The following COL28A1 variants were observed in gnomAD, a reference collection of about 807,000 sequenced individuals.
COL28A1 encodes collagen type XXVIII alpha 1 chain, also known as collagen alpha-1(XXVIII) chain.
In COL28A1, 161 loss-of-function variants were observed where a neutral mutation model predicts 150.2. The observed-to-expected ratio is 1.07, with a 90% CI of 0.94 to 1.22. COL28A1 has a LOEUF of 1.22. Ranked by LOEUF, COL28A1 falls within the 50% of genes most tolerant of loss-of-function variation. The pLI is 0.00. For missense variants in COL28A1, 1,617 were observed against 1,388.3 expected (o/e 1.16, Z -2.62); for synonymous variants, 552 against 469.7 (o/e 1.18, Z -2.26).
At position 7,358,396 on chromosome 7, in the gene COL28A1, G is replaced by C. The variant is rs1780443513; in HGVS notation, c.*237C>G. 9.7e-6 allele frequency: 4 copies of C among 413,164 alleles called. No homozygotes were observed. Among genetic ancestry groups the C allele is most frequent in the Non-Finnish European group, 1.3e-5 (3 of 231,668 alleles). 25.6% of individuals were successfully genotyped at this position (413,164 alleles called of 1,614,324 possible). On this transcript the variant is annotated 3_prime_UTR_variant, in exon 35 of 35. Transcript: ENST00000399429. ...GCTCTAAGTCTAAATCCTCAGCTCT[G>C]AAACTTTTTAGTTGGGTGACAGTTG...
At chr7:7,506,301 G>C (rs958416034) in intron 10 of COL28A1, among the ~76,000 whole-genome samples, 1 of 152,218 alleles carries the variant, frequency 6.6e-6, no homozygotes, top group African/African-American at 2.4e-5. Context: ...CGAGATGTTT[G>C]TTTACTAAAC....
At chr7:7,455,496 C>T (rs924845022) in intron 16 of COL28A1, among the ~76,000 whole-genome samples, 2 of 152,106 alleles carry the variant, frequency 1.3e-5, no homozygotes, top group Non-Finnish European at 2.9e-5. Context: ...CCAAGAGGGG[C>T]CAGGTGTCAT....
At chr7:7,458,552 T>G (rs868452427) in intron 15 of COL28A1, among the ~76,000 whole-genome samples, 14 of 152,286 alleles carry the variant, frequency 9.2e-5, no homozygotes, top group African/African-American at 3.1e-4. Context: ...AATACACTAC[T>G]TAGTGCTCTA....
chr7:7,521,757 AAAAG>A (rs1748438399), intron 5 of COL28A1, 144 bp downstream of exon 5: 1 of 637,130 alleles, frequency 1.6e-6, no homozygotes, highest in South Asian at 1.8e-5. Context: ...CTTTAGAAAT[AAAAG>A]AAAGAAGTAG....
At chr7:7,467,826 T>G (rs1033984289) in intron 15 of COL28A1, among the ~76,000 whole-genome samples, 4 of 140,988 alleles carry the variant, frequency 2.8e-5, no homozygotes, top group African/African-American at 1.1e-4. Flanking sequence ...CTCAACTACA[T>G]GGAAACTGAA....
At chr7:7,342,196 A>G in the COL28A1 span, among the ~76,000 whole-genome samples, 1 of 152,100 alleles carries the variant, frequency 6.6e-6, no homozygotes, top group African/African-American at 2.4e-5. Context: ...TGAAATCTCT[A>G]TCTCCAATAA....
intron 23 of COL28A1, among the ~76,000 whole-genome samples, chr7:7,435,029 C>A (rs1785241741): frequency 6.6e-6 from 1 of 152,076 alleles, no homozygotes. Flanking sequence ...AACTAATGAA[C>A]TAGGGAAGAA....
intron 6 of COL28A1, 117 bp from the exon 7 acceptor site, chr7:7,517,954 T>C: frequency 7.4e-7 from 1 of 1,354,128 alleles, no homozygotes; most frequent in Admixed American, 2.1e-5. Context: ...ATCTTTAGTC[T>C]TTCCCGTTGA....
At chr7:7,375,663 C>A (rs113355635) in intron 30 of COL28A1, among the ~76,000 whole-genome samples, 166 bp from the exon 31 acceptor site, 32 of 152,220 alleles carry the variant, frequency 2.1e-4, no homozygotes, top group African/African-American at 7.5e-4. Flanking sequence ...CTATAATAGA[C>A]CATAACTAAA....
intron 30 of COL28A1, among the ~76,000 whole-genome samples, chr7:7,376,853 G>A (rs548893107): frequency 6.6e-5 from 10 of 152,238 alleles, no homozygotes; most frequent in South Asian, 4.1e-4. Flanking sequence ...AAGGCTCTGC[G>A]ATACACACTC....
intron 33 of COL28A1, among the ~76,000 whole-genome samples, chr7:7,365,266 A>T (rs1780876836): frequency 3.1e-5 from 1 of 32,650 alleles, no homozygotes; most frequent in Non-Finnish European, 1.4e-4. Flanking sequence ...ATAAATCTTA[A>T]ATCTGAAAAC....
chr7:7,423,863 T>C (rs1784508229), intron 25 of COL28A1, among the ~76,000 whole-genome samples: 1 of 152,140 alleles, frequency 6.6e-6, no homozygotes, highest in Non-Finnish European at 1.5e-5. Flanking sequence ...CCTCAACCTT[T>C]GGGAGTATCT....
At position 7,381,538 on chromosome 7, in the gene COL28A1, A is replaced by G. The variant is rs1439037826; in HGVS notation, c.2205+6T>C. ...AAGCATTTCTCTAAGATCCTGAGAC[A>G]CTTACCTTCTGGCCTGGGAGGCCAT... On this transcript the variant is annotated splice_donor_region_variant and intron_variant, in intron 28 of 34. Coordinates refer to ENST00000399429, the MANE Select transcript of COL28A1 (RefSeq NM_001037763.3). 6.2e-7 allele frequency: 1 copy of G among 1,611,074 alleles called. No individual in the cohort carries two copies. The highest frequency in any genetic ancestry group is 8.5e-7 in the Non-Finnish European group (1 of 1,177,580).
chr7:7,401,086 G>C (rs1182409931), intron 27 of COL28A1, among the ~76,000 whole-genome samples: 7 of 149,488 alleles, frequency 4.7e-5, no homozygotes, highest in Non-Finnish European at 1.0e-4. Flanking sequence ...TCATGTTTCA[G>C]TTCTCATCTA....
chr7:7,506,073 C>G lies in COL28A1; in HGVS notation c.973-6G>C, dbSNP rs764592089. 7.4e-7 allele frequency: 1 copy of G among 1,358,284 alleles called. No individual in the cohort carries two copies. The highest frequency in any genetic ancestry group is 1.7e-5 in the Admixed American group (1 of 59,734). The allele number at this position is 1,358,284 out of a possible 1,614,324, so 84.1% of individuals were successfully genotyped here. On this transcript the variant is annotated splice_region_variant and splice_polypyrimidine_tract_variant and intron_variant, in intron 10 of 34. Transcript: ENST00000399429. ...CCTGGAGGTCCAGTAATTCCCTGCT[C>G]CAGGATGAAAACCAAGAATTAGTTC...
chr7:7,384,017 T>C (rs987358805), intron 27 of COL28A1, among the ~76,000 whole-genome samples: 2 of 152,132 alleles, frequency 1.3e-5, no homozygotes, highest in Admixed American at 6.5e-5. Context: ...TCACGGCACA[T>C]TGGCTTGACT....
At chr7:7,479,081 C>T (rs1169656360) in intron 13 of COL28A1, among the ~76,000 whole-genome samples, 3 of 152,238 alleles carry the variant, frequency 2.0e-5, no homozygotes, top group Non-Finnish European at 4.4e-5. Flanking sequence ...GCTGCGAGGG[C>T]TGCCAGCACG....
At chr7:7,520,525 C>T (rs779212716) in intron 5 of COL28A1, among the ~76,000 whole-genome samples, 1 of 152,186 alleles carries the variant, frequency 6.6e-6, no homozygotes, top group Non-Finnish European at 1.5e-5. Context: ...AAGGACCAAG[C>T]TAGCTTGCTT....
chr7:7,532,453 C>A (rs954779383), intron 2 of COL28A1, among the ~76,000 whole-genome samples: 15 of 151,578 alleles, frequency 9.9e-5, no homozygotes, highest in African/African-American at 3.6e-4. Flanking sequence ...GTATGCCACT[C>A]GACCTGTTAA....
Sources: allele counts gnomAD v4.1 joint callset (sites outside exome capture counted in the v4.1 genomes callset), GRCh38; gene constraint gnomAD v4.1.1; transcripts MANE v1.5; gene names NCBI Gene and HGNC (gene_info 2026-07-23, HGNC 2026-07-21).